Variants in GRM1 observed in about 807,000 individuals in gnomAD.
GRM1 encodes glutamate metabotropic receptor 1, also known as metabotropic glutamate receptor 1.
Under a neutral mutation model 90.9 loss-of-function variants are expected in GRM1, and 33 were observed. The ratio of observed to expected loss-of-function variants is 0.36; its 90% confidence interval spans 0.28 to 0.49. GRM1 has a LOEUF of 0.49. Ranked by LOEUF, GRM1 falls within the 20% of genes least tolerant of loss-of-function variation. The probability of loss-of-function intolerance (pLI) is 0.99; values close to 1 mark genes in which losing one functional copy is unlikely to be tolerated. For missense variants in GRM1, 1,190 were observed against 1,534.3 expected, an observed-to-expected ratio of 0.78 and a Z score of 3.75; for synonymous variants, 700 against 613.2, an observed-to-expected ratio of 1.14 and a Z score of -2.09.
chr6:146,121,497 C>T (rs1309416464), intron 1 of GRM1, among the ~76,000 whole-genome samples: 1 of 152,004 alleles, frequency 6.6e-6, no homozygotes. Flanking sequence ...TGTGTTTGCT[C>T]TTGCTTCTCT....
At chr6:146,277,334 C>A (rs1247131758) in intron 2 of GRM1, among the ~76,000 whole-genome samples, 1 of 152,102 alleles carries the variant, frequency 6.6e-6, no homozygotes, top group Non-Finnish European at 1.5e-5. Context: ...TGAGCTAAAC[C>A]CTTGGAATAT....
chr6:146,352,554 T>C, intron 4 of GRM1, 58 bp downstream of exon 4: 2 of 1,544,144 alleles, frequency 1.3e-6, no homozygotes, highest in Non-Finnish European at 1.8e-6. Flanking sequence ...GCCAGACAGA[T>C]GGCAACTGTG....
intron 1 of GRM1, among the ~76,000 whole-genome samples, chr6:146,112,279 T>TAA (rs570946557): frequency 1.4e-5 from 2 of 140,362 alleles, no homozygotes; most frequent in African/African-American, 5.2e-5. Flanking sequence ...TATGATTATC[T>TAA]AAAAAAAAAA....
intron 1 of GRM1, among the ~76,000 whole-genome samples, chr6:146,149,385 C>G (rs1426395880): frequency 2.0e-5 from 3 of 152,120 alleles, no homozygotes; most frequent in Admixed American, 2.0e-4. Flanking sequence ...GGGCATAAAG[C>G]TAAAGCTACT....
chr6:146,329,133 G>A (rs1177009279), intron 3 of GRM1, among the ~76,000 whole-genome samples: 2 of 152,124 alleles, frequency 1.3e-5, no homozygotes, highest in Non-Finnish European at 2.9e-5. Context: ...TTAGATCATA[G>A]ATTCCTTAAA....
chr6:146,038,074 A>C (rs983802854), intron 1 of GRM1, among the ~76,000 whole-genome samples: 2 of 152,006 alleles, frequency 1.3e-5, no homozygotes, highest in African/African-American at 4.8e-5. Flanking sequence ...GCTCTATTTC[A>C]GGAGATTATG....
intron 6 of GRM1, among the ~76,000 whole-genome samples, chr6:146,394,830 C>T (rs1776869285): frequency 6.6e-6 from 1 of 152,122 alleles, no homozygotes; most frequent in Non-Finnish European, 1.5e-5. Context: ...CATAGAGAGG[C>T]ACAACCATAT....
chr6:146,138,086 A>G (rs192076590), intron 1 of GRM1, among the ~76,000 whole-genome samples: 1 of 152,152 alleles, frequency 6.6e-6, no homozygotes, highest in Admixed American at 6.5e-5. Context: ...CAAATATAGG[A>G]TTGCATCATC....
intron 1 of GRM1, among the ~76,000 whole-genome samples, chr6:146,110,899 G>C (rs1775533343): frequency 6.6e-6 from 1 of 152,164 alleles, no homozygotes; most frequent in African/African-American, 2.4e-5. Context: ...ACATTGAATT[G>C]TGTTCCTAAA....
rs142313619 is a variant in GRM1, at chr6:146,119,881, T to A, written c.701-39467T>A. On this transcript the variant is annotated intron_variant, in intron 1 of 7. Transcript: ENST00000282753. ...GTTTGAAGTCAGGTAGCGTGATGCC[T>A]CCAGCTTTGTTCTTTTGGCTTAGGA... 9.4e-3 allele frequency among the ~76,000 whole-genome samples: 1,433 copies of A among 152,346 alleles called. 9 individuals are homozygous for A. The highest frequency in any genetic ancestry group is 0.019 in the Admixed American group (284 of 15,308).
upstream of GRM1, chr6:146,027,809 T>C (rs1359915900): frequency 6.6e-6 from 1 of 152,250 alleles, no homozygotes; most frequent in Admixed American, 6.5e-5. Flanking sequence ...CTCAAGTCCA[T>C]GTCCTCCAAA....
intron 3 of GRM1, among the ~76,000 whole-genome samples, chr6:146,324,464 A>T (rs1468147863): frequency 6.6e-6 from 1 of 151,908 alleles, no homozygotes. Context: ...TAAAAAAAAT[A>T]AATAAAATTT....
At chr6:146,155,882 C>T (rs575679969) in intron 1 of GRM1, among the ~76,000 whole-genome samples, 2 of 152,254 alleles carry the variant, frequency 1.3e-5, no homozygotes, top group South Asian at 4.1e-4. Flanking sequence ...GCAAGTGTAG[C>T]TTTCTGTAAA....
intron 3 of GRM1, among the ~76,000 whole-genome samples, chr6:146,327,751 G>T (rs362972): frequency 1.1e-3 from 173 of 152,248 alleles, no homozygotes; most frequent in African/African-American, 4.0e-3. Context: ...TTCCGGAAAA[G>T]ACTGTCCAAC....
At chr6:146,170,053 T>C (rs1778051658) in intron 2 of GRM1, among the ~76,000 whole-genome samples, 1 of 152,172 alleles carries the variant, frequency 6.6e-6, no homozygotes, top group Non-Finnish European at 1.5e-5. Context: ...GATTCTTGGC[T>C]AACAACTTTT....
At chr6:146,117,852 C>A (rs1425729625) in intron 1 of GRM1, among the ~76,000 whole-genome samples, 3 of 151,918 alleles carry the variant, frequency 2.0e-5, no homozygotes, top group African/African-American at 7.2e-5. Flanking sequence ...AATTTAAGTT[C>A]TTGATTGTCA....
chr6:146,297,164 ATT>A (rs983358581), intron 2 of GRM1, among the ~76,000 whole-genome samples: 2 of 145,782 alleles, frequency 1.4e-5, no homozygotes, highest in African/African-American at 2.5e-5. Flanking sequence ...CGTGTAAACA[ATT>A]TTTTTTTTTT....
chr6:146,393,033 C>A (rs1776790668), intron 6 of GRM1, among the ~76,000 whole-genome samples: 1 of 152,084 alleles, frequency 6.6e-6, no homozygotes, highest in Non-Finnish European at 1.5e-5. Context: ...ATTGGTAATC[C>A]TTTGAGGATA....
intron 2 of GRM1, among the ~76,000 whole-genome samples, chr6:146,192,523 T>C (rs1778966234): frequency 6.6e-6 from 1 of 152,198 alleles, no homozygotes; most frequent in Non-Finnish European, 1.5e-5. Context: ...AAATACCCGA[T>C]ATATGTAAGT....
Sources: gnomAD v4.1 joint callset for allele counts (sites outside exome capture counted in the v4.1 genomes callset) on GRCh38, gnomAD v4.1.1 for gene constraint, MANE v1.5 for transcripts, NCBI Gene and HGNC (gene_info 2026-07-23, HGNC 2026-07-21) for gene names.